AMZ2: variants seen among roughly 807,000 people sequenced by gnomAD.
AMZ2 encodes archaelysin family metallopeptidase 2, also known as archaemetzincin-2.
In AMZ2, 26 loss-of-function variants were observed where a neutral mutation model predicts 36.7. The ratio of observed to expected loss-of-function variants is 0.71; its 90% CI spans 0.52 to 0.98. The LOEUF (loss-of-function observed/expected upper bound fraction) is 0.98, where lower values mean the gene tolerates loss of function less well. AMZ2 is among the 50% of genes least tolerant of loss of function. AMZ2 has a pLI of 0.00. For synonymous variants in AMZ2, 144 were observed against 149.1 expected (o/e 0.97, Z 0.25); for missense variants, 394 against 430.5 (o/e 0.92, Z 0.75).
At position 68,250,825 on chromosome 17, in the gene AMZ2, A is replaced by G; in HGVS notation, c.315A>G (p.Glu105=). 6.3e-7 allele frequency: 1 copy of G among 1,589,798 alleles called. No individual in the cohort carries two copies. Reference sequence around the variant, plus strand: ...TAGGAAACACCAGAATTATCAGTGAAGAATATATTAAATGGCTCACGGGCT... The same window carrying G: ...TAGGAAACACCAGAATTATCAGTGAGGAATATATTAAATGGCTCACGGGCT... ...GSLGNTRIIS[E]EYIKWLTGYC... Residue 105 remains glutamate (E), a synonymous_variant, in exon 3 of 7, where the codon GAA becomes GAG. Transcript: ENST00000359904.
intron 1 of AMZ2, among the ~76,000 whole-genome samples, chr17:68,221,209 T>TCCCCCCCCCCCCCCCCCCC (rs55937321): frequency 1.5e-4 from 10 of 66,776 alleles, no homozygotes; most frequent in East Asian, 5.3e-4. Context: ...AGCCCTCAGC[T>TCCCCCCCCCCCCCCCCCCC]CCCCCCCCCG....
intron 1 of AMZ2, among the ~76,000 whole-genome samples, chr17:68,216,060 C>T (rs1213428636): frequency 6.6e-6 from 1 of 152,186 alleles, no homozygotes; most frequent in East Asian, 1.9e-4. Flanking sequence ...GTGTCCTAAG[C>T]ATTTTATGTA....
At chr17:68,231,730 A>AAT (rs1555731292) in intron 1 of AMZ2, among the ~76,000 whole-genome samples, 5 of 152,144 alleles carry the variant, frequency 3.3e-5, no homozygotes, top group Admixed American at 3.3e-4. Context: ...TGGATAGGTT[A>AAT]CATGAGCAAT....
At chr17:68,255,526 G>T (rs2074832695) in intron 5 of AMZ2, among the ~76,000 whole-genome samples, 174 bp from the exon 6 acceptor site, 1 of 152,204 alleles carries the variant, frequency 6.6e-6, no homozygotes, top group South Asian at 2.1e-4. Flanking sequence ...AAGGCAGTAA[G>T]ACATTTGGGG....
intron 1 of AMZ2, among the ~76,000 whole-genome samples, chr17:68,208,285 G>C (rs569976284): frequency 6.6e-6 from 1 of 150,772 alleles, no homozygotes; most frequent in South Asian, 2.1e-4. Flanking sequence ...CCTGACTCTG[G>C]TGGGGGACTT....
rs1568371738 is a variant in AMZ2 at position 68,248,334 on chromosome 17, G to A, written c.-372G>A. 1 of 985,956 alleles carries A rather than the reference G, an allele frequency of 1.0e-6. No homozygotes were observed. The highest frequency in any genetic ancestry group is 1.7e-5 in the African/African-American group (1 of 57,248). 61.1% of individuals were successfully genotyped at this position (985,956 alleles called of 1,614,324 possible). ...GAAGAGGCGAAGCGAGAGTCCCTGG[G>A]GAACCCCCACTCCACTCCCAGCTGG... On this transcript the variant is annotated 5_prime_UTR_variant, in exon 1 of 7. Transcript: ENST00000359904.
rs1355221421 is a variant in AMZ2, at chr17:68,235,586, C to T, written c.-66-13054C>T. ...CTTACGGAGCCCCTATCCGGGACAG[C>T]CTCAATCCCTCAGGGCCCCTCTCGG... On this transcript the variant is annotated intron_variant, in intron 1 of 7. Transcript: ENST00000674770. The surrounding 1 kb of genome is among the most constrained non-coding windows in gnomAD (Gnocchi z 4.2). 6.6e-6 allele frequency among the ~76,000 whole-genome samples: 1 copy of T among 152,082 alleles called. No homozygotes were observed. Among genetic ancestry groups the T allele is most frequent in the Non-Finnish European group, 1.5e-5 (1 of 68,008 alleles).
chr17:68,246,043 C>T (rs1171628251), upstream of AMZ2, among the ~76,000 whole-genome samples: 6 of 152,012 alleles, frequency 3.9e-5, no homozygotes, highest in Admixed American at 3.3e-4. Flanking sequence ...CGGTGGCTCA[C>T]GCCTGTAATC....
chr17:68,216,349 G>A (rs2073193429), intron 1 of AMZ2, among the ~76,000 whole-genome samples: 1 of 152,070 alleles, frequency 6.6e-6, no homozygotes, highest in Admixed American at 6.6e-5. Context: ...GGCCAGGCTG[G>A]TCTCGAACTC....
At chr17:68,209,214 G>A (rs1489938430) in intron 1 of AMZ2, among the ~76,000 whole-genome samples, 1 of 114,668 alleles carries the variant, frequency 8.7e-6, no homozygotes. Flanking sequence ...TTTTTTTTTT[G>A]ATGGAGTCTT....
At chr17:68,210,873 A>G (rs2073023829) in intron 1 of AMZ2, among the ~76,000 whole-genome samples, 1 of 146,256 alleles carries the variant, frequency 6.8e-6, no homozygotes, top group African/African-American at 2.5e-5. Context: ...ACCTGAGCCC[A>G]AGGAGGTTGA....
At chr17:68,212,392 C>G (rs7210209) in intron 1 of AMZ2, among the ~76,000 whole-genome samples, 78,355 of 151,556 alleles carry the variant, frequency 0.52, 22,788 homozygotes, top group African/African-American at 0.79. Flanking sequence ...AAAAAATCTA[C>G]CCTTGAAGTG....
chr17:68,219,557 G>A (rs2073292441), intron 1 of AMZ2, among the ~76,000 whole-genome samples: 1 of 150,468 alleles, frequency 6.6e-6, no homozygotes, highest in Non-Finnish European at 1.5e-5. Flanking sequence ...ATTGAGATAG[G>A]GTCTCACTCT....
chr17:68,248,836 C>T (rs772147496), intron 1 of AMZ2, 131 bp downstream of exon 1: 2 of 937,828 alleles, frequency 2.1e-6, no homozygotes, highest in Non-Finnish European at 1.3e-6. Flanking sequence ...GACATTTGGT[C>T]TGGAATTTTA....
At chr17:68,229,403 TC>T (rs2073604326) in intron 1 of AMZ2, among the ~76,000 whole-genome samples, 1 of 152,210 alleles carries the variant, frequency 6.6e-6, no homozygotes, top group Admixed American at 6.5e-5. Context: ...CAGGAAGTGT[TC>T]CTGCCTGTGC....
rs147098325 is a variant in AMZ2 at position 68,217,293 on chromosome 17, G to A, written c.-67+11055G>A. On this transcript the variant is annotated intron_variant, in intron 1 of 7. Coordinates refer to the AMZ2 transcript ENST00000674770. ...AATCAAATATTCTGTTTTTCTTAGTGGAACAGTAAAATTCTTTACTCAAGT... is the reference window on the plus strand; with the variant it reads ...AATCAAATATTCTGTTTTTCTTAGTAGAACAGTAAAATTCTTTACTCAAGT... 8.6e-3 allele frequency among the ~76,000 whole-genome samples: 1,307 copies of A among 152,162 alleles called. 9 individuals are homozygous for A. Among genetic ancestry groups the A allele is most frequent in the Non-Finnish European group, 0.014 (918 of 67,984 alleles).
At chr17:68,210,249 C>T (rs777383885) in intron 1 of AMZ2, among the ~76,000 whole-genome samples, 3 of 152,188 alleles carry the variant, frequency 2.0e-5, no homozygotes, top group Non-Finnish European at 4.4e-5. Context: ...ATGTATACAG[C>T]AGCATTATTC....
intron 1 of AMZ2, among the ~76,000 whole-genome samples, chr17:68,225,977 C>T (rs547969302): frequency 5.5e-4 from 83 of 152,130 alleles, no homozygotes; most frequent in Non-Finnish European, 9.7e-4. Flanking sequence ...AAATGGGGTC[C>T]CAGATTGCCT....
At chr17:68,237,104 C>A (rs2073807677) in intron 1 of AMZ2, among the ~76,000 whole-genome samples, 1 of 152,146 alleles carries the variant, frequency 6.6e-6, no homozygotes, top group South Asian at 2.1e-4. Context: ...TGGTGAGCAT[C>A]CATCTTTCAG....
Sources: gnomAD v4.1 joint callset for allele counts (sites outside exome capture counted in the v4.1 genomes callset) on GRCh38, gnomAD v4.1.1 for gene constraint, Gnocchi (gnomAD v3.1) non-coding constraint, MANE v1.5 for transcripts, NCBI Gene and HGNC (gene_info 2026-07-23, HGNC 2026-07-21) for gene names.